HTR7: variants seen among roughly 807,000 people sequenced by gnomAD.
HTR7 encodes the protein 5-HT-7.
Under a neutral mutation model 34.0 loss-of-function variants are expected in HTR7, and 16 were observed. That is an observed-to-expected ratio of 0.47 (90% CI 0.32 to 0.71). The LOEUF is 0.71. Ranked by LOEUF, HTR7 falls within the 30% of genes least tolerant of loss-of-function variation. HTR7 has a pLI of 0.04. For synonymous variants in HTR7, 265 were observed against 260.2 expected (o/e 1.02, Z -0.18); for missense variants, 504 against 625.5 (o/e 0.81, Z 2.07).
intron 1 of HTR7, among the ~76,000 whole-genome samples, chr10:90,852,924 G>A (rs1846522070): frequency 6.6e-6 from 1 of 152,120 alleles, no homozygotes; most frequent in African/African-American, 2.4e-5. Flanking sequence ...TGTTTACATG[G>A]ATGTGGAAAT....
chr10:90,742,741 T>C (rs980644717), intron 3 of HTR7, among the ~76,000 whole-genome samples: 1 of 152,310 alleles, frequency 6.6e-6, no homozygotes, highest in African/African-American at 2.4e-5. Flanking sequence ...AAGGCTTTAA[T>C]ATATTTGCAA....
intron 1 of HTR7, among the ~76,000 whole-genome samples, chr10:90,850,995 C>A (rs1183108507): frequency 1.3e-5 from 2 of 151,794 alleles, no homozygotes; most frequent in East Asian, 3.9e-4. Context: ...TTAAAGATAT[C>A]AATACACAAA....
chr10:90,844,725 TCAAAAAAAAA>T (rs1846385871), intron 1 of HTR7, among the ~76,000 whole-genome samples: 3 of 27,796 alleles, frequency 1.1e-4, no homozygotes, highest in South Asian at 2.7e-3. Context: ...AGACTCCGTC[TCAAAAAAAAA>T]AAAAAAAAAA....
chr10:90,793,499 T>G (rs1010917648), intron 1 of HTR7, among the ~76,000 whole-genome samples: 2 of 143,418 alleles, frequency 1.4e-5, no homozygotes, highest in Non-Finnish European at 3.0e-5. Context: ...AAAATAAATT[T>G]AATATTATTT....
At chr10:90,850,293 C>G (rs1161051470) in intron 1 of HTR7, among the ~76,000 whole-genome samples, 1 of 152,202 alleles carries the variant, frequency 6.6e-6, no homozygotes, top group African/African-American at 2.4e-5. Context: ...GGGCTAAAAT[C>G]CTAAGAAGGC....
intron 1 of HTR7, among the ~76,000 whole-genome samples, chr10:90,798,041 C>A (rs1354493738): frequency 6.6e-6 from 1 of 152,150 alleles, no homozygotes; most frequent in Non-Finnish European, 1.5e-5. Flanking sequence ...GGGTAGATCC[C>A]TCATGGCCTA....
intron 1 of HTR7, among the ~76,000 whole-genome samples, chr10:90,823,842 C>G (rs567213636): frequency 6.6e-6 from 1 of 152,238 alleles, no homozygotes; most frequent in South Asian, 2.1e-4. Context: ...GTGTGTAGCA[C>G]CTCCCCTTTC....
At chr10:90,754,843 T>C (rs1217428075) in intron 1 of HTR7, among the ~76,000 whole-genome samples, 1 of 152,226 alleles carries the variant, frequency 6.6e-6, no homozygotes, top group Non-Finnish European at 1.5e-5. Context: ...TTCTGAAATA[T>C]GGTGGTTTTT....
intron 1 of HTR7, among the ~76,000 whole-genome samples, chr10:90,820,351 C>A (rs1474761604): frequency 6.6e-6 from 1 of 152,124 alleles, no homozygotes; most frequent in Non-Finnish European, 1.5e-5. Flanking sequence ...AGAATCTGAA[C>A]ACGGTGTTCA....
intron 1 of HTR7, among the ~76,000 whole-genome samples, chr10:90,812,225 G>C (rs1845822901): frequency 6.6e-6 from 1 of 152,146 alleles, no homozygotes; most frequent in Non-Finnish European, 1.5e-5. Context: ...CTTAGACTGT[G>C]CCCCAAAAAA....
At chr10:90,832,909 C>A (rs1846200099) in intron 1 of HTR7, among the ~76,000 whole-genome samples, 1 of 152,214 alleles carries the variant, frequency 6.6e-6, no homozygotes, top group Non-Finnish European at 1.5e-5. Flanking sequence ...GGTGGGCCTA[C>A]AAGCAGGGAG....
chr10:90,808,912 C>T (rs1845751011), intron 1 of HTR7, among the ~76,000 whole-genome samples: 1 of 152,144 alleles, frequency 6.6e-6, no homozygotes, highest in Non-Finnish European at 1.5e-5. Flanking sequence ...TAATTCTTGT[C>T]GTAAAATAGG....
chr10:90,818,900 T>C (rs1217366643), intron 1 of HTR7, among the ~76,000 whole-genome samples: 1 of 152,168 alleles, frequency 6.6e-6, no homozygotes, highest in Non-Finnish European at 1.5e-5. Flanking sequence ...TCTGGTTGTT[T>C]AAAGGTATGC....
At chr10:90,789,608 A>T (rs1189268534) in intron 1 of HTR7, among the ~76,000 whole-genome samples, 1 of 152,250 alleles carries the variant, frequency 6.6e-6, no homozygotes, top group African/African-American at 2.4e-5. Flanking sequence ...ATTAAGAATC[A>T]TCATAGTTCT....
Position 90,752,615 on chromosome 10 carries a change from TA to T in HTR7, c.540-3022del, listed in dbSNP as rs951967519. On this transcript the variant is annotated intron_variant, in intron 1 of 3. Coordinates refer to ENST00000336152, the MANE Select transcript of HTR7 (RefSeq NM_019859.4). ...AATAATGAAGGGATACTTATCCCAT[TA>T]AAAAAAAGTATAAAGCCACAGAAAT... Among the ~76,000 whole-genome samples the T allele has an allele frequency of 3.0e-3, 460 of 151,638 alleles. 3 individuals are homozygous for T. Among genetic ancestry groups the T allele is most frequent in the African/African-American group, 0.01 (425 of 41,402 alleles).
intron 1 of HTR7, among the ~76,000 whole-genome samples, chr10:90,853,485 G>A (rs1034591556): frequency 1.2e-4 from 17 of 144,424 alleles, no homozygotes; most frequent in African/African-American, 2.3e-4. Context: ...TTTTTTTTCC[G>A]TAGAGATGGG....
chr10:90,792,879 C>T (rs1374398995), intron 1 of HTR7, among the ~76,000 whole-genome samples: 3 of 150,968 alleles, frequency 2.0e-5, no homozygotes, highest in African/African-American at 7.4e-5. Flanking sequence ...TACCTTATAC[C>T]ACATGTGAAA....
intron 1 of HTR7, among the ~76,000 whole-genome samples, chr10:90,830,789 GAAAA>G (rs770904900): frequency 2.4e-5 from 2 of 83,800 alleles, no homozygotes; most frequent in South Asian, 4.1e-4. Context: ...CCCTGTCTCA[GAAAA>G]AAAAAAAAAA....
chr10:90,846,919 A>G (rs1334693723), intron 1 of HTR7, among the ~76,000 whole-genome samples: 3 of 152,166 alleles, frequency 2.0e-5, no homozygotes, highest in African/African-American at 4.8e-5. Context: ...TGCTTCTCCT[A>G]TGCTATTCCC....
Sources: allele counts gnomAD v4.1 joint callset (sites outside exome capture counted in the v4.1 genomes callset), GRCh38; gene constraint gnomAD v4.1.1; transcripts MANE v1.5; gene names NCBI Gene and HGNC (gene_info 2026-07-23, HGNC 2026-07-21).